The following SRD5A2 variants were observed in gnomAD, a reference collection of about 807,000 sequenced individuals.
SRD5A2 encodes the protein steroid 5 alpha-reductase 2.
In SRD5A2, 30 loss-of-function variants were observed where a neutral mutation model predicts 27.4. That is an observed-to-expected ratio of 1.10 (90% CI 0.82 to 1.49). The LOEUF is 1.49. SRD5A2 is among the 40% of genes most tolerant of loss of function. The pLI, the probability that SRD5A2 is intolerant of heterozygous loss-of-function variation, is 0.00. For missense variants in SRD5A2, 348 were observed against 323.4 expected (o/e 1.08, Z -0.58); for synonymous variants, 141 against 133.6 (o/e 1.06, Z -0.38).
chr2:31,558,664 T>C (rs1033825119), intron 1 of SRD5A2, among the ~76,000 whole-genome samples: 7 of 152,206 alleles, frequency 4.6e-5, no homozygotes, highest in African/African-American at 1.7e-4. Flanking sequence ...ACTACAGTCA[T>C]GCATCATAAT....
chr2:31,551,482 T>C (rs1156476682), intron 1 of SRD5A2, among the ~76,000 whole-genome samples: 2 of 152,196 alleles, frequency 1.3e-5, no homozygotes, highest in Non-Finnish European at 2.9e-5. Context: ...ACCTTAAACT[T>C]ACTCAGAACA....
At chr2:31,604,323 T>C in the SRD5A2 span, among the ~76,000 whole-genome samples, 2 of 151,760 alleles carry the variant, frequency 1.3e-5, no homozygotes, top group African/African-American at 4.8e-5. Flanking sequence ...GGCCTCCAAA[T>C]TGAAAAGGAA....
chr2:31,611,190 C>T, the SRD5A2 span, among the ~76,000 whole-genome samples: 1 of 151,880 alleles, frequency 6.6e-6, no homozygotes, highest in South Asian at 2.1e-4. Context: ...GATTTTAGCC[C>T]CCAGCCTTTA....
the SRD5A2 span, among the ~76,000 whole-genome samples, chr2:31,611,742 A>C: frequency 6.6e-6 from 1 of 152,174 alleles, no homozygotes; most frequent in Non-Finnish European, 1.5e-5. Context: ...ACTTTGGAGA[A>C]CTGTTTGGCT....
rs183092054 is a variant in SRD5A2, at chr2:31,543,011, T to C, written c.282-9245A>G. Reference sequence around the variant, plus strand: ...ATGGATATACATTATAATCAAACTTTCCAAATACAAAGGCAAAGAGAAAAT... The same window carrying C: ...ATGGATATACATTATAATCAAACTTCCCAAATACAAAGGCAAAGAGAAAAT... On this transcript the variant is annotated intron_variant, in intron 1 of 4. Transcript: ENST00000622030. Among the ~76,000 whole-genome samples the C allele has an allele frequency of 3.7e-3, 556 of 152,196 alleles. 4 individuals carry two copies. The highest frequency in any genetic ancestry group is 0.013 in the African/African-American group (547 of 41,520).
the SRD5A2 span, among the ~76,000 whole-genome samples, chr2:31,658,970 C>A: frequency 6.6e-6 from 1 of 152,160 alleles, no homozygotes; most frequent in Non-Finnish European, 1.5e-5. Flanking sequence ...CAACAAAATA[C>A]TAGCAAATCA....
At chr2:31,590,775 A>G in the SRD5A2 span, among the ~76,000 whole-genome samples, 109,513 of 151,982 alleles carry the variant, frequency 0.72, 39,757 homozygotes, top group Non-Finnish European at 0.74. Flanking sequence ...AAATAATGCC[A>G]CATATATATA....
At chr2:31,570,220 C>G (rs552835912) in intron 1 of SRD5A2, among the ~76,000 whole-genome samples, 1 of 152,208 alleles carries the variant, frequency 6.6e-6, no homozygotes, top group African/African-American at 2.4e-5. Flanking sequence ...AAGGTTGAGT[C>G]AACATATGCA....
chr2:31,641,548 T>C, the SRD5A2 span, among the ~76,000 whole-genome samples: 3 of 152,138 alleles, frequency 2.0e-5, no homozygotes, highest in Non-Finnish European at 4.4e-5. Context: ...CTTTACAATA[T>C]CTCTTATAAA....
intron 1 of SRD5A2, among the ~76,000 whole-genome samples, chr2:31,567,058 T>C (rs1011365208): frequency 2.6e-5 from 4 of 152,196 alleles, no homozygotes; most frequent in African/African-American, 9.6e-5. Context: ...ATGCAACTAA[T>C]ATTTTTGAAA....
chr2:31,558,159 A>G (rs1472697415), intron 1 of SRD5A2, among the ~76,000 whole-genome samples: 1 of 152,194 alleles, frequency 6.6e-6, no homozygotes, highest in Non-Finnish European at 1.5e-5. Context: ...CCAGACCTTT[A>G]GTGTAGGAAA....
chr2:31,529,302 T>C lies in SRD5A2; in HGVS notation c.698+5A>G. 6.2e-7 allele frequency: 1 copy of C among 1,613,486 alleles called. No individual in the cohort carries two copies. Among genetic ancestry groups the C allele is most frequent in the Non-Finnish European group, 8.5e-7 (1 of 1,179,728 alleles). ...GAATGCTGCCGCTTTTATTGAAAAA[T>C]TTACCTATGGTGGTGAAAAGCTCGC... On this transcript the variant is annotated splice_donor_5th_base_variant and intron_variant, in intron 4 of 4. Transcript: ENST00000622030.
chr2:31,658,748 A>C, the SRD5A2 span, among the ~76,000 whole-genome samples: 4 of 152,102 alleles, frequency 2.6e-5, no homozygotes, highest in African/African-American at 9.7e-5. Flanking sequence ...ACCCAAAAAA[A>C]GTTCAGGCCA....
the SRD5A2 span, among the ~76,000 whole-genome samples, chr2:31,658,955 A>C: frequency 3.8e-4 from 58 of 152,288 alleles, no homozygotes; most frequent in Middle Eastern, 6.8e-3. Context: ...AGATGCAAAA[A>C]TCTGCAACAA....
chr2:31,580,585 C>T lies in SRD5A2; in HGVS notation c.281+35G>A, dbSNP rs751702605. The T allele has an allele frequency of 1.6e-5, 24 of 1,491,754 alleles. No homozygotes were observed. In the African/African-American group the frequency reaches 2.2e-4, roughly 14 times the overall value. 92.4% of individuals were successfully genotyped at this position (1,491,754 alleles called of 1,614,324 possible). A position where few individuals can be genotyped will look rare whatever the true frequency, so the allele number is the denominator to read the frequency against. The stretch of plus-strand genomic sequence containing the variant: ...CCTGGACGCCGGGAGCAGGGCAGTG[C>T]GCTGCACTGGGCGCCCGCAAGGGAA... On this transcript the variant is annotated intron_variant, in intron 1 of 4. Coordinates refer to ENST00000622030, the MANE Select transcript of SRD5A2 (RefSeq NM_000348.4).
In SRD5A2 at chr2:31,541,843, A is replaced by C. The variant is rs567500778; in HGVS notation, c.282-8077T>G. ...GCTGCCCTGTCACAATGGAAAGTAA[A>C]GCTGGGCTAAACTCAGCCAATGCCA... On this transcript the variant is annotated intron_variant, in intron 1 of 4. Coordinates refer to ENST00000622030, the MANE Select transcript of SRD5A2 (RefSeq NM_000348.4). Among the ~76,000 whole-genome samples the C allele has an allele frequency of 6.6e-5, 10 of 152,288 alleles. No homozygotes were observed. In the East Asian group the frequency reaches 1.9e-3, roughly 29 times the overall value.
chr2:31,652,318 T>C, the SRD5A2 span, among the ~76,000 whole-genome samples: 19 of 152,316 alleles, frequency 1.2e-4, no homozygotes, highest in African/African-American at 4.1e-4. Flanking sequence ...TGAAATTCTA[T>C]TGGGAAATAG....
the SRD5A2 span, among the ~76,000 whole-genome samples, chr2:31,596,103 A>C: frequency 6.6e-6 from 1 of 152,158 alleles, no homozygotes; most frequent in Non-Finnish European, 1.5e-5. Flanking sequence ...CAATATATTG[A>C]TTGAGGAAGA....
At chr2:31,634,755 G>GTT in the SRD5A2 span, among the ~76,000 whole-genome samples, 1 of 151,646 alleles carries the variant, frequency 6.6e-6, no homozygotes, top group African/African-American at 2.4e-5. Context: ...TACTTTTTTA[G>GTT]CTCCCACATA....
Sources: allele counts gnomAD v4.1 joint callset (sites outside exome capture counted in the v4.1 genomes callset), GRCh38; gene constraint gnomAD v4.1.1; transcripts MANE v1.5; gene names NCBI Gene and HGNC (gene_info 2026-07-23, HGNC 2026-07-21).